The following DNAH3 variants were observed in gnomAD, a reference collection of about 807,000 sequenced individuals.
DNAH3 encodes axonemal beta dynein heavy chain 3.
A neutral mutation model predicts 432.5 loss-of-function variants in DNAH3; 332 were observed. The ratio of observed to expected loss-of-function variants is 0.77; its 90% CI spans 0.70 to 0.84. DNAH3 has a LOEUF of 0.84. Among genes scored for constraint, DNAH3 ranks in the 40% least tolerant of loss-of-function variants. The probability of loss-of-function intolerance (pLI) is 0.00; values close to 1 mark genes in which losing one functional copy is unlikely to be tolerated. For missense variants in DNAH3, 4,861 were observed against 5,114.0 expected (o/e 0.95, Z 1.51); for synonymous variants, 1,956 against 1,900.2 (o/e 1.03, Z -0.76).
intron 59 of DNAH3, among the ~76,000 whole-genome samples, chr16:20,938,110 A>G (rs1237709684): frequency 2.0e-5 from 3 of 152,116 alleles, no homozygotes; most frequent in Non-Finnish European, 4.4e-5. Context: ...AGAGGAATGT[A>G]GCTGGGTGTG....
intron 52 of DNAH3, 28 bp downstream of exon 52, chr16:20,969,764 G>A (rs2085249361): frequency 1.9e-6 from 3 of 1,612,508 alleles, no homozygotes; most frequent in Non-Finnish European, 2.5e-6. Context: ...AGCAGCCTGT[G>A]CAGGCATCTG....
At chr16:21,020,022 ATTTTTTT>A (rs140295740) in intron 40 of DNAH3, among the ~76,000 whole-genome samples, 153 bp from the exon 41 acceptor site, 2 of 138,498 alleles carry the variant, frequency 1.4e-5, no homozygotes, top group South Asian at 4.6e-4. Context: ...TTTCACATGC[ATTTTTTT>A]TTTTTTTTTG....
intron 44 of DNAH3, among the ~76,000 whole-genome samples, chr16:20,989,748 G>A (rs1036135870): frequency 6.6e-6 from 1 of 152,252 alleles, no homozygotes; most frequent in Non-Finnish European, 1.5e-5. Flanking sequence ...TGGGTGGGAG[G>A]CTCAGGCATG....
rs187634762 is a variant in DNAH3 at position 20,963,649 on chromosome 16, G to C, written c.10235C>G (p.Pro3412Arg). 1.9e-5 allele frequency: 30 copies of C among 1,614,052 alleles called. No individual in the cohort carries two copies. In the African/African-American group the frequency reaches 2.9e-4, roughly 16 times the overall value. The stretch of plus-strand genomic sequence containing the variant: ...CCATGCCTTCTCAGACAGCCATTGG[G>C]GAGCTGGATTGGGGTAGGGGTTATC... Residue 3412 changes from proline (P) to arginine (R), a missense_variant, in exon 53 of 62, where the codon CCC becomes CGC. Coordinates refer to ENST00000261383, the Ensembl canonical transcript of DNAH3.
intron 8 of DNAH3, among the ~76,000 whole-genome samples, chr16:21,126,001 CA>C (rs2092439298): frequency 6.6e-6 from 1 of 152,022 alleles, no homozygotes; most frequent in African/African-American, 2.4e-5. Flanking sequence ...AACAAACAAA[CA>C]AAAATTAGCT....
intron 42 of DNAH3, 138 bp downstream of exon 42, chr16:21,002,966 C>CTTTTGAAA: frequency 1.5e-6 from 1 of 663,458 alleles, no homozygotes; most frequent in Non-Finnish European, 2.7e-6. Flanking sequence ...TTTTGAAGGT[C>CTTTTGAAA]CACTGCAGCT....
At chr16:20,980,284 T>TTATAATATACATCATA (rs2085823858) in intron 49 of DNAH3, among the ~76,000 whole-genome samples, 1 of 142,378 alleles carries the variant, frequency 7.0e-6, no homozygotes, top group Non-Finnish European at 1.5e-5. Flanking sequence ...ACATCATATA[T>TTATAATATACATCATA]TATAATATAC....
intron 1 of DNAH3, chr16:21,150,322 T>C (rs1463972854): frequency 2.2e-6 from 1 of 455,348 alleles, no homozygotes; most frequent in Non-Finnish European, 4.4e-6. Flanking sequence ...TCACCCATGG[T>C]GTCCACTCTA....
chr16:20,958,954 G>T (rs2084691242), intron 54 of DNAH3, among the ~76,000 whole-genome samples: 1 of 152,116 alleles, frequency 6.6e-6, no homozygotes, highest in Non-Finnish European at 1.5e-5. Flanking sequence ...TTTTAGTAGA[G>T]ACAGTGTTTT....
chr16:21,121,328 C>T (rs570587945), intron 10 of DNAH3, among the ~76,000 whole-genome samples: 3 of 152,308 alleles, frequency 2.0e-5, no homozygotes, highest in Admixed American at 6.5e-5. Flanking sequence ...CCCTGGAAAG[C>T]AAACTGGAAA....
rs1277588037 is a variant in DNAH3 at position 20,985,022 on chromosome 16, G to C, written c.7665+55C>G. 9.0e-6 allele frequency: 14 copies of C among 1,553,714 alleles called. No homozygotes were observed. In the East Asian group the frequency reaches 3.1e-4, roughly 35 times the overall value. ...GACCCCAAAACACCCAGAAGAACAA[G>C]GGCAAATGGAGTTTTCTTCTTCTTA... On this transcript the variant is annotated intron_variant, in intron 48 of 61. Coordinates refer to ENST00000261383, the Ensembl canonical transcript of DNAH3.
intron 51 of DNAH3, among the ~76,000 whole-genome samples, chr16:20,970,197 GTC>G (rs1334188549): frequency 6.6e-6 from 1 of 152,150 alleles, no homozygotes; most frequent in Non-Finnish European, 1.5e-5. Context: ...TGGGGCTGTG[GTC>G]TGGATGTCCC....
chr16:21,153,870 C>A (rs1238197777), intron 1 of DNAH3, among the ~76,000 whole-genome samples: 1 of 152,216 alleles, frequency 6.6e-6, no homozygotes, highest in Non-Finnish European at 1.5e-5. Context: ...TTTTCTACTC[C>A]TTTTCCTCAA....
chr16:21,065,850 G>A (rs551964196), intron 24 of DNAH3, among the ~76,000 whole-genome samples: 6 of 151,668 alleles, frequency 4.0e-5, no homozygotes, highest in Non-Finnish European at 5.9e-5. Flanking sequence ...TATTTGAGAC[G>A]GAGTCTTGCT....
At chr16:21,117,171 T>A in intron 12 of DNAH3, 32 bp downstream of exon 12, 3 of 1,471,416 alleles carry the variant, frequency 2.0e-6, no homozygotes, top group Non-Finnish European at 2.8e-6. Context: ...CCCAAAAAGC[T>A]ACATAGCTAA....
chr16:20,984,112 C>T (rs1488284311), intron 48 of DNAH3, among the ~76,000 whole-genome samples: 2 of 151,054 alleles, frequency 1.3e-5, no homozygotes, highest in Non-Finnish European at 2.9e-5. Context: ...TGGCAGGTGG[C>T]CTTATGGCAT....
chr16:21,005,458 T>C (rs969572652), intron 41 of DNAH3, among the ~76,000 whole-genome samples: 1 of 152,060 alleles, frequency 6.6e-6, no homozygotes, highest in Non-Finnish European at 1.5e-5. Flanking sequence ...CACAATTCAC[T>C]ACAGCCTCAA....
intron 43 of DNAH3, among the ~76,000 whole-genome samples, chr16:20,998,741 C>CAAAAAAA (rs57836728): frequency 1.3e-5 from 1 of 78,236 alleles, no homozygotes; most frequent in African/African-American, 5.1e-5. Flanking sequence ...GACTCCGTCT[C>CAAAAAAA]AAAAAAAAAA....
chr16:20,943,693 T>A (rs1380464655), intron 58 of DNAH3, among the ~76,000 whole-genome samples: 1 of 152,144 alleles, frequency 6.6e-6, no homozygotes, highest in African/African-American at 2.4e-5. Flanking sequence ...ACTTAACAAC[T>A]GTTAACGCTG....
Sources: allele counts gnomAD v4.1 joint callset (sites outside exome capture counted in the v4.1 genomes callset), GRCh38; gene constraint gnomAD v4.1.1; transcripts MANE v1.5; gene names NCBI Gene and HGNC (gene_info 2026-07-23, HGNC 2026-07-21).